The following KHDRBS2 variants were observed in gnomAD, a reference collection of about 807,000 sequenced individuals.
KHDRBS2 encodes KH domain-containing, RNA-binding, signal transduction-associated protein 2.
In KHDRBS2, 26 loss-of-function variants were observed where a neutral mutation model predicts 44.3. The observed-to-expected ratio is 0.59, with a 90% CI of 0.43 to 0.81. KHDRBS2 has a LOEUF of 0.81. Ranked by LOEUF, KHDRBS2 falls within the 40% of genes least tolerant of loss-of-function variation. The pLI is 0.00. For missense variants in KHDRBS2, 476 were observed against 433.1 expected (o/e 1.10, Z -0.88); for synonymous variants, 194 against 151.1 (o/e 1.28, Z -2.08).
At chr6:61,601,520 T>C in the KHDRBS2 span, among the ~76,000 whole-genome samples, 1 of 152,072 alleles carries the variant, frequency 6.6e-6, no homozygotes, top group Admixed American at 6.5e-5. Context: ...TACAAGATCT[T>C]GATAATTCTT....
chr6:61,975,063 C>A (rs1377515588), intron 4 of KHDRBS2, among the ~76,000 whole-genome samples: 2 of 152,234 alleles, frequency 1.3e-5, no homozygotes, highest in South Asian at 4.1e-4. Context: ...CTTCAGCAAT[C>A]CACTTAAAAT....
chr6:61,598,832 C>G, the KHDRBS2 span, among the ~76,000 whole-genome samples: 1 of 27,544 alleles, frequency 3.6e-5, no homozygotes, highest in Non-Finnish European at 7.6e-5. Flanking sequence ...GTCCTTTTTT[C>G]TTTTCTTTTT....
In KHDRBS2 at chr6:61,731,329, G is replaced by A. The variant is rs141434981; in HGVS notation, c.893+1353C>T. 7.6e-3 allele frequency among the ~76,000 whole-genome samples: 1,156 copies of A among 152,068 alleles called. 8 individuals are homozygous for A. The highest frequency in any genetic ancestry group is 0.014 in the Middle Eastern group (4 of 294). ...TAAGATATTACAGCAAAAGCGCTTGGCTCATGATGGCTTCTCTATTTAGCT... is the reference window on the plus strand; with the variant it reads ...TAAGATATTACAGCAAAAGCGCTTGACTCATGATGGCTTCTCTATTTAGCT... On this transcript the variant is annotated intron_variant, in intron 7 of 8. Transcript: ENST00000281156.
In KHDRBS2 at chr6:62,246,534, T is replaced by C. The variant is rs533676247; in HGVS notation, c.91+39324A>G. On this transcript the variant is annotated intron_variant, in intron 1 of 8. Coordinates refer to ENST00000281156, the MANE Select transcript of KHDRBS2 (RefSeq NM_152688.4). ...TACAGCTCACAAACTTTAAATATCC[T>C]GCTTTGCAAAATAAAAGAAATAAGA... Among the ~76,000 whole-genome samples the C allele has an allele frequency of 1.1e-4, 17 of 152,180 alleles. No homozygotes were observed. The East Asian group carries it at 3.3e-3, about 30-fold the overall frequency.
chr6:61,783,505 C>T (rs1287400184), intron 6 of KHDRBS2, among the ~76,000 whole-genome samples: 2 of 152,008 alleles, frequency 1.3e-5, no homozygotes, highest in Non-Finnish European at 2.9e-5. Context: ...AAAGAAAATA[C>T]ATAAAAGCAA....
chr6:61,820,804 C>T (rs1247734510), intron 6 of KHDRBS2, among the ~76,000 whole-genome samples: 1 of 151,992 alleles, frequency 6.6e-6, no homozygotes, highest in African/African-American at 2.4e-5. Context: ...TTTAGTCAAA[C>T]TATTTATTAG....
chr6:62,014,698 TC>T (rs1440669700), intron 3 of KHDRBS2, among the ~76,000 whole-genome samples: 1 of 152,140 alleles, frequency 6.6e-6, no homozygotes, highest in Admixed American at 6.6e-5. Context: ...TAAATAATAT[TC>T]AACACTTAAT....
chr6:62,155,774 A>C (rs1222230448), intron 2 of KHDRBS2, among the ~76,000 whole-genome samples: 1 of 152,226 alleles, frequency 6.6e-6, no homozygotes, highest in African/African-American at 2.4e-5. Flanking sequence ...CGTTTTCCAC[A>C]GTTTACAAAA....
intron 8 of KHDRBS2, among the ~76,000 whole-genome samples, chr6:61,691,362 C>A (rs1217470014): frequency 8.6e-5 from 13 of 151,914 alleles, no homozygotes; most frequent in African/African-American, 2.9e-4. Flanking sequence ...TAATGGCAAC[C>A]CCTGAAATAG....
intron 4 of KHDRBS2, among the ~76,000 whole-genome samples, chr6:61,950,209 C>A (rs2127382940): frequency 6.6e-6 from 1 of 152,136 alleles, no homozygotes; most frequent in South Asian, 2.1e-4. Context: ...TCTTAATTTT[C>A]TTTCCTTGGA....
the KHDRBS2 span, among the ~76,000 whole-genome samples, chr6:61,557,762 T>G: frequency 2.6e-4 from 39 of 152,308 alleles, no homozygotes; most frequent in African/African-American, 9.1e-4. Context: ...GTGAAGCTAT[T>G]GGGTCCTGGG....
intron 3 of KHDRBS2, among the ~76,000 whole-genome samples, chr6:61,985,307 T>C (rs1469315042): frequency 6.6e-6 from 1 of 152,186 alleles, no homozygotes; most frequent in African/African-American, 2.4e-5. Flanking sequence ...ATTTTACTTC[T>C]CTCTGTGTAT....
At chr6:61,746,533 T>C (rs1050613265) in intron 6 of KHDRBS2, among the ~76,000 whole-genome samples, 17 of 152,138 alleles carry the variant, frequency 1.1e-4, no homozygotes, top group Admixed American at 9.2e-4. Context: ...ATACGTGTCA[T>C]ATTTTCTTTA....
At chr6:61,716,462 TG>T (rs1771449821) in intron 7 of KHDRBS2, among the ~76,000 whole-genome samples, 1 of 152,006 alleles carries the variant, frequency 6.6e-6, no homozygotes. Context: ...TACTAGGTTT[TG>T]GGGTGGTTTC....
the KHDRBS2 span, among the ~76,000 whole-genome samples, chr6:61,590,153 T>C: frequency 6.6e-6 from 1 of 152,194 alleles, no homozygotes; most frequent in African/African-American, 2.4e-5. Flanking sequence ...GATTAGTCAT[T>C]CTGCTCAACA....
At chr6:62,173,333 T>C (rs1820450836) in intron 2 of KHDRBS2, among the ~76,000 whole-genome samples, 1 of 151,784 alleles carries the variant, frequency 6.6e-6, no homozygotes, top group Non-Finnish European at 1.5e-5. Flanking sequence ...GCTAGAAAAC[T>C]TGGAAGAAAC....
chr6:62,196,704 C>T (rs894273755), intron 1 of KHDRBS2, among the ~76,000 whole-genome samples: 5 of 152,102 alleles, frequency 3.3e-5, no homozygotes, highest in African/African-American at 4.8e-5. Flanking sequence ...GGTCTGCTCA[C>T]AGGTAGATGA....
intron 4 of KHDRBS2, among the ~76,000 whole-genome samples, chr6:61,903,784 G>A (rs1048202079): frequency 6.6e-6 from 1 of 152,288 alleles, no homozygotes; most frequent in African/African-American, 2.4e-5. Flanking sequence ...GCCACCTGGT[G>A]AAGAAGGCTA....
intron 6 of KHDRBS2, 104 bp from the exon 7 acceptor site, chr6:61,732,868 A>G (rs1774717547): frequency 1.4e-6 from 1 of 707,836 alleles, no homozygotes; most frequent in African/African-American, 1.8e-5. Flanking sequence ...TTTAGATTTC[A>G]TGTTGGGTAA....
Sources: gnomAD v4.1 joint callset for allele counts (sites outside exome capture counted in the v4.1 genomes callset) on GRCh38, gnomAD v4.1.1 for gene constraint, MANE v1.5 for transcripts, NCBI Gene and HGNC (gene_info 2026-07-23, HGNC 2026-07-21) for gene names.